Variants in PTPRK observed in about 807,000 individuals in gnomAD.
PTPRK encodes the protein protein tyrosine phosphatase receptor type K.
A neutral mutation model predicts 178.0 loss-of-function variants in PTPRK; 75 were observed. The observed-to-expected ratio is 0.42, with a 90% CI of 0.35 to 0.51. PTPRK has a LOEUF of 0.51. Ranked by LOEUF, PTPRK falls within the 20% of genes least tolerant of loss-of-function variation. The pLI is 0.02. For synonymous variants in PTPRK, 637 were observed against 620.6 expected (o/e 1.03, Z -0.39); for missense variants, 1,441 against 1,797.8 (o/e 0.80, Z 3.59).
intron 7 of PTPRK, among the ~76,000 whole-genome samples, chr6:128,141,246 T>A (rs1005634680): frequency 6.6e-6 from 1 of 151,888 alleles, no homozygotes; most frequent in African/African-American, 2.4e-5. Context: ...TCTGCTATAG[T>A]AATACAAATT....
chr6:128,459,613 G>A (rs1848785583), intron 1 of PTPRK, among the ~76,000 whole-genome samples: 1 of 152,168 alleles, frequency 6.6e-6, no homozygotes, highest in Admixed American at 6.5e-5. Context: ...ATAGTCTGTT[G>A]CTATCATTCT....
chr6:128,039,571 AG>A (rs1776816619), intron 13 of PTPRK, among the ~76,000 whole-genome samples: 1 of 152,220 alleles, frequency 6.6e-6, no homozygotes, highest in African/African-American at 2.4e-5. Context: ...ACTTGTTTAA[AG>A]GAAGTATTAG....
rs535696608 is a variant in PTPRK at position 128,151,231 on chromosome 6, T to A, written c.1162+33201A>T. Among the ~76,000 whole-genome samples the A allele has an allele frequency of 2.6e-5, 4 of 152,186 alleles. 1 individual carries two copies. Among genetic ancestry groups the A allele is most frequent in the African/African-American group, 7.2e-5 (3 of 41,554 alleles). On this transcript the variant is annotated intron_variant, in intron 7 of 29. Transcript: ENST00000368226. ...TTACCCCATTTTATGGATTTCAGCT[T>A]TCCTTTTGTCCATTAGTAATGTACT...
At chr6:128,379,607 TAAG>T (rs1837592942) in intron 2 of PTPRK, among the ~76,000 whole-genome samples, 1 of 152,230 alleles carries the variant, frequency 6.6e-6, no homozygotes, top group Non-Finnish European at 1.5e-5. Context: ...TCTTCCAAGA[TAAG>T]AAGTTCTTTG....
intron 7 of PTPRK, among the ~76,000 whole-genome samples, chr6:128,101,661 G>A (rs907912592): frequency 3.9e-5 from 6 of 152,124 alleles, no homozygotes; most frequent in African/African-American, 1.4e-4. Context: ...AGATTTCCTA[G>A]GATGAACAAA....
At chr6:128,021,452 C>T (rs1253783158) in intron 13 of PTPRK, among the ~76,000 whole-genome samples, 6 of 152,096 alleles carry the variant, frequency 3.9e-5, no homozygotes, top group South Asian at 2.1e-4. Context: ...CTGGCTAACA[C>T]GGTGAAACCC....
intron 1 of PTPRK, among the ~76,000 whole-genome samples, chr6:128,415,149 A>T (rs1842705604): frequency 6.6e-6 from 1 of 152,190 alleles, no homozygotes; most frequent in Admixed American, 6.5e-5. Flanking sequence ...AGTATTACAA[A>T]ATCACACACA....
chr6:128,095,465 G>C (rs1473382225), intron 7 of PTPRK, among the ~76,000 whole-genome samples: 1 of 152,082 alleles, frequency 6.6e-6, no homozygotes, highest in Non-Finnish European at 1.5e-5. Context: ...TGAAGCCATG[G>C]TTTTTAGTTT....
intron 5 of PTPRK, among the ~76,000 whole-genome samples, chr6:128,239,083 A>C (rs1483783338): frequency 1.3e-5 from 2 of 151,978 alleles, no homozygotes. Flanking sequence ...TGTAGTAAAA[A>C]AAAAATCATG....
At chr6:128,299,221 G>A (rs1193054445) in intron 3 of PTPRK, among the ~76,000 whole-genome samples, 1 of 151,814 alleles carries the variant, frequency 6.6e-6, no homozygotes, top group Non-Finnish European at 1.5e-5. Context: ...AAATAAAAGA[G>A]GATACAAACA....
chr6:128,376,910 A>C (rs1562389261), intron 2 of PTPRK, among the ~76,000 whole-genome samples: 1 of 152,154 alleles, frequency 6.6e-6, no homozygotes, highest in Non-Finnish European at 1.5e-5. Context: ...CAAGTTCCTC[A>C]TCTCCATCTG....
At chr6:127,996,256 T>C (rs760144854) in intron 17 of PTPRK, among the ~76,000 whole-genome samples, 2 of 152,106 alleles carry the variant, frequency 1.3e-5, no homozygotes, top group Non-Finnish European at 2.9e-5. Context: ...ATCTTGAATA[T>C]GTTTGATGGA....
At chr6:128,164,281 C>T (rs977184276) in intron 7 of PTPRK, among the ~76,000 whole-genome samples, 1 of 151,350 alleles carries the variant, frequency 6.6e-6, no homozygotes, top group African/African-American at 2.4e-5. Flanking sequence ...TATAGCTTAG[C>T]TCACTATAGA....
chr6:128,315,708 A>G (rs1219910014), intron 3 of PTPRK, among the ~76,000 whole-genome samples: 1 of 152,204 alleles, frequency 6.6e-6, no homozygotes, highest in African/African-American at 2.4e-5. Flanking sequence ...AATGTCTGAC[A>G]TTTGCTGTAT....
At chr6:128,191,592 T>G (rs1318638508) in intron 6 of PTPRK, among the ~76,000 whole-genome samples, 1 of 152,088 alleles carries the variant, frequency 6.6e-6, no homozygotes, top group African/African-American at 2.4e-5. Context: ...CACAAATAAA[T>G]GGTGAGATGA....
At chr6:128,090,104 C>T in intron 7 of PTPRK, 112 bp from the exon 8 acceptor site, 1 of 857,570 alleles carries the variant, frequency 1.2e-6, no homozygotes. Flanking sequence ...ATGTGGAAGT[C>T]ATGTTTTATT....
intron 7 of PTPRK, among the ~76,000 whole-genome samples, chr6:128,139,832 G>A (rs937681129): frequency 4.0e-5 from 6 of 151,758 alleles, no homozygotes; most frequent in African/African-American, 1.5e-4. Context: ...CTAATAACTT[G>A]GTTTCAATTC....
At chr6:128,242,883 A>G (rs1814723985) in intron 3 of PTPRK, among the ~76,000 whole-genome samples, 1 of 152,228 alleles carries the variant, frequency 6.6e-6, no homozygotes, top group South Asian at 2.1e-4. Flanking sequence ...ATATATAGGC[A>G]GACATAGAAA....
intron 2 of PTPRK, among the ~76,000 whole-genome samples, chr6:128,358,197 A>G (rs1834209403): frequency 6.6e-6 from 1 of 152,222 alleles, no homozygotes; most frequent in African/African-American, 2.4e-5. Context: ...ACCCAATTCC[A>G]TTTGACTTAT....
Sources: allele counts gnomAD v4.1 joint callset (sites outside exome capture counted in the v4.1 genomes callset), GRCh38; gene constraint gnomAD v4.1.1; transcripts MANE v1.5; gene names NCBI Gene and HGNC (gene_info 2026-07-23, HGNC 2026-07-21).